ESRRG: variants seen among roughly 807,000 people sequenced by gnomAD.
ESRRG encodes the protein estrogen related receptor gamma.
Under a neutral mutation model 44.0 loss-of-function variants are expected in ESRRG, and 13 were observed. The ratio of observed to expected loss-of-function variants is 0.30; its 90% CI spans 0.19 to 0.47. The LOEUF is 0.47. Ranked by LOEUF, ESRRG falls within the 20% of genes least tolerant of loss-of-function variation. ESRRG has a pLI of 1.00. For missense variants in ESRRG, 395 were observed against 580.6 expected, an observed-to-expected ratio of 0.68 and a Z score of 3.29; for synonymous variants, 215 against 214.6, an observed-to-expected ratio of 1.00 and a Z score of -0.02.
chr1:217,087,740 A>G (rs1470393742), intron 1 of ESRRG, among the ~76,000 whole-genome samples: 2 of 152,238 alleles, frequency 1.3e-5, no homozygotes, highest in Non-Finnish European at 2.9e-5. Flanking sequence ...AATTCTACTT[A>G]ATGCGAGTTT....
At chr1:216,750,568 A>G (rs998518197) in intron 2 of ESRRG, among the ~76,000 whole-genome samples, 3 of 152,084 alleles carry the variant, frequency 2.0e-5, no homozygotes, top group African/African-American at 7.2e-5. Context: ...AGATGATGCT[A>G]CTTGCTAGGA....
At chr1:217,006,328 A>G (rs1377513436) in intron 1 of ESRRG, among the ~76,000 whole-genome samples, 1 of 152,122 alleles carries the variant, frequency 6.6e-6, no homozygotes, top group Admixed American at 6.6e-5. Flanking sequence ...CTGAGTAATC[A>G]ACATATACAA....
chr1:217,069,840 C>T (rs1280582627), intron 1 of ESRRG, among the ~76,000 whole-genome samples: 1 of 152,106 alleles, frequency 6.6e-6, no homozygotes, highest in Non-Finnish European at 1.5e-5. Flanking sequence ...CCCTCCAGGC[C>T]CCAGCCTGGA....
Position 216,961,032 on chromosome 1 carries a change from C to T in ESRRG, c.-105-21359G>A, listed in dbSNP as rs191982040. On this transcript the variant is annotated intron_variant, in intron 1 of 7. Coordinates refer to the ESRRG transcript ENST00000359162. ...TCAGACATCAAAACATATTACAAAG[C>T]TACTGTAAGACAATATGATATTTAT... 1.6e-3 allele frequency among the ~76,000 whole-genome samples: 236 copies of T among 152,222 alleles called. 1 individual carries two copies. The highest frequency in any genetic ancestry group is 3.4e-3 in the Middle Eastern group (1 of 294).
chr1:216,924,659 G>T (rs1327443582), intron 2 of ESRRG, among the ~76,000 whole-genome samples: 2 of 152,114 alleles, frequency 1.3e-5, no homozygotes, highest in African/African-American at 4.8e-5. Context: ...TAAAACTATT[G>T]TTGCCATGGC....
chr1:216,892,679 T>A (rs2149413867), intron 2 of ESRRG, among the ~76,000 whole-genome samples: 1 of 152,236 alleles, frequency 6.6e-6, no homozygotes, highest in South Asian at 2.1e-4. Flanking sequence ...AGGGAGAAAT[T>A]AAATTCAGCG....
At chr1:216,844,439 C>A (rs563613037) in intron 2 of ESRRG, among the ~76,000 whole-genome samples, 2 of 152,186 alleles carry the variant, frequency 1.3e-5, no homozygotes, top group African/African-American at 4.8e-5. Context: ...AATCTGCACT[C>A]CCCACTTGAG....
At chr1:217,126,883 T>C (rs912744198) in intron 1 of ESRRG, among the ~76,000 whole-genome samples, 1 of 152,212 alleles carries the variant, frequency 6.6e-6, no homozygotes, top group Admixed American at 6.5e-5. Flanking sequence ...ATGAATACTT[T>C]GAAAGCATTA....
intron 1 of ESRRG, among the ~76,000 whole-genome samples, chr1:217,003,088 GA>G (rs748149290): frequency 1.3e-5 from 2 of 152,222 alleles, no homozygotes; most frequent in East Asian, 3.9e-4. Context: ...ATATGCTTTT[GA>G]ATTTCTGAAC....
chr1:216,586,835 C>A (rs1157080580), intron 3 of ESRRG, among the ~76,000 whole-genome samples: 1 of 152,002 alleles, frequency 6.6e-6, no homozygotes, highest in African/African-American at 2.4e-5. Context: ...CCTCGGCCTC[C>A]CAAAGTGCTG....
intron 1 of ESRRG, among the ~76,000 whole-genome samples, chr1:216,974,724 G>C (rs2072492152): frequency 6.6e-6 from 1 of 152,084 alleles, no homozygotes. Flanking sequence ...CAAAGTTTTA[G>C]TCTGTGGGCA....
chr1:217,059,599 GC>G (rs993718638), intron 1 of ESRRG, among the ~76,000 whole-genome samples: 6 of 152,048 alleles, frequency 3.9e-5, no homozygotes, highest in African/African-American at 1.4e-4. Flanking sequence ...ACTTGCTGTT[GC>G]CCCTGCTGGC....
chr1:216,528,775 C>T (rs1316891908), intron 5 of ESRRG, among the ~76,000 whole-genome samples: 1 of 152,040 alleles, frequency 6.6e-6, no homozygotes, highest in Non-Finnish European at 1.5e-5. Context: ...TGGGCTGCTT[C>T]ACTCTGAATC....
At position 216,685,502 on chromosome 1, in the gene ESRRG, G is replaced by A. The variant is rs564150652; in HGVS notation, c.57-8011C>T. On this transcript the variant is annotated intron_variant, in intron 1 of 6. Coordinates refer to ENST00000408911, the MANE Select transcript of ESRRG (RefSeq NM_001438.4). The stretch of plus-strand genomic sequence containing the variant: ...TCAAGGAGCACACCAAAGAGAACTC[G>A]ACACAGAAGGGGACTGACAGCTAAA... Among the ~76,000 whole-genome samples, 5 of 152,248 alleles carry A rather than the reference G, an allele frequency of 3.3e-5. No individual in the cohort carries two copies. The South Asian group carries it at 6.2e-4, about 19-fold the overall frequency.
intron 2 of ESRRG, among the ~76,000 whole-genome samples, chr1:216,912,512 G>A (rs1371410956): frequency 6.6e-6 from 1 of 151,890 alleles, no homozygotes; most frequent in Non-Finnish European, 1.5e-5. Flanking sequence ...TAAATATTTG[G>A]GGGATACACA....
intron 2 of ESRRG, among the ~76,000 whole-genome samples, chr1:216,857,355 C>G (rs867860665): frequency 6.6e-6 from 1 of 150,514 alleles, no homozygotes; most frequent in Non-Finnish European, 1.5e-5. Context: ...CCTTAACCAC[C>G]CTTTGGGAAA....
rs1221657236 is a variant in ESRRG at position 216,908,266 on chromosome 1, A to G, written c.-14+31316T>C. 3.3e-5 allele frequency among the ~76,000 whole-genome samples: 5 copies of G among 152,194 alleles called. No homozygotes were observed. The South Asian group carries it at 8.3e-4, about 25-fold the overall frequency. ...TCCTCCAGCTTTCCTGAGGGAAGCT[A>G]TCATAGGCAGGCAAACAGCACTCTG... On this transcript the variant is annotated intron_variant, in intron 2 of 7. Transcript: ENST00000359162.
At chr1:216,618,961 A>T (rs1374462875) in intron 3 of ESRRG, among the ~76,000 whole-genome samples, 2 of 152,230 alleles carry the variant, frequency 1.3e-5, no homozygotes, top group African/African-American at 2.4e-5. Context: ...TGGCAAATAC[A>T]TCCACTAGAA....
At chr1:217,088,442 A>G (rs1362322585) in intron 1 of ESRRG, among the ~76,000 whole-genome samples, 2 of 103,614 alleles carry the variant, frequency 1.9e-5, no homozygotes, top group East Asian at 3.2e-4. Flanking sequence ...AGAGAGAGAG[A>G]GTGCTATTTT....
Sources: gnomAD v4.1 joint callset for allele counts (sites outside exome capture counted in the v4.1 genomes callset) on GRCh38, gnomAD v4.1.1 for gene constraint, MANE v1.5 for transcripts, NCBI Gene and HGNC (gene_info 2026-07-23, HGNC 2026-07-21) for gene names.